Variants in KCNC2 observed in about 807,000 individuals in gnomAD.
The protein encoded by KCNC2 is potassium voltage-gated channel subfamily C member 2, also known as voltage-gated potassium channel KCNC2.
KCNC2 carries 21 observed loss-of-function variants against 44.5 expected under a neutral mutation model. The observed-to-expected ratio is 0.47, with a 90% CI of 0.33 to 0.68. The LOEUF is 0.68. KCNC2 is among the 30% of genes least tolerant of loss of function. The probability of loss-of-function intolerance (pLI) is 0.01; values close to 1 mark genes in which losing one functional copy is unlikely to be tolerated. For synonymous variants in KCNC2, 391 were observed against 339.1 expected (o/e 1.15, Z -1.68); for missense variants, 589 against 826.2 (o/e 0.71, Z 3.52).
At chr12:75,159,923 G>T (rs769201127) in intron 2 of KCNC2, among the ~76,000 whole-genome samples, 2 of 151,780 alleles carry the variant, frequency 1.3e-5, no homozygotes, top group African/African-American at 2.4e-5. Flanking sequence ...TGAATCCCCT[G>T]TACCTGGCAC....
chr12:75,083,025 T>C (rs578003447), intron 2 of KCNC2, among the ~76,000 whole-genome samples: 312 of 151,652 alleles, frequency 2.1e-3, no homozygotes, highest in African/African-American at 7.3e-3. Context: ...AATGCATATT[T>C]ATATGTAAAG....
chr12:75,124,133 T>C, intron 2 of KCNC2: 1 of 152,206 alleles, frequency 6.6e-6, no homozygotes, highest in Middle Eastern at 3.2e-3. Flanking sequence ...TTTTACATTG[T>C]ATATAACTCC....
intron 2 of KCNC2, 45 bp from the exon 3 acceptor site, chr12:75,051,362 G>T (rs200025247): frequency 9.5e-7 from 1 of 1,051,428 alleles, no homozygotes; most frequent in Non-Finnish European, 1.4e-6. Context: ...GATCTGAATC[G>T]TAATATATGT....
chr12:75,134,429 A>T (rs989875958), intron 2 of KCNC2, among the ~76,000 whole-genome samples: 1 of 151,974 alleles, frequency 6.6e-6, no homozygotes, highest in Non-Finnish European at 1.5e-5. Context: ...AAAACAATAC[A>T]GTTCAATTGA....
intron 2 of KCNC2, among the ~76,000 whole-genome samples, chr12:75,185,607 C>T (rs910851151): frequency 2.0e-5 from 3 of 151,800 alleles, no homozygotes; most frequent in African/African-American, 7.3e-5. Context: ...GCCTCCAGAA[C>T]CATAATCCAA....
chr12:75,101,375 G>A (rs970827931), intron 2 of KCNC2, among the ~76,000 whole-genome samples: 22 of 152,138 alleles, frequency 1.4e-4, no homozygotes, highest in Non-Finnish European at 2.9e-4. Context: ...GAACTATTCT[G>A]GGAATACCTA....
At chr12:75,091,487 A>C (rs1378438629) in intron 2 of KCNC2, among the ~76,000 whole-genome samples, 4 of 151,710 alleles carry the variant, frequency 2.6e-5, no homozygotes, top group Non-Finnish European at 5.9e-5. Flanking sequence ...AGAAGCAATA[A>C]AATAATGCTT....
chr12:75,177,356 A>T (rs1289825960), intron 2 of KCNC2, among the ~76,000 whole-genome samples: 4 of 151,944 alleles, frequency 2.6e-5, no homozygotes, highest in Non-Finnish European at 4.4e-5. Flanking sequence ...AATAGTTTTA[A>T]ATTGTTTAAG....
chr12:75,068,357 A>G (rs2137020871), intron 2 of KCNC2, among the ~76,000 whole-genome samples: 1 of 152,356 alleles, frequency 6.6e-6, no homozygotes, highest in Admixed American at 6.5e-5. Context: ...TAAATAGAAT[A>G]TCTCAATCAG....
At chr12:75,168,782 TTAGAAAC>T (rs1410275454) in intron 2 of KCNC2, among the ~76,000 whole-genome samples, 1 of 151,544 alleles carries the variant, frequency 6.6e-6, no homozygotes, top group Non-Finnish European at 1.5e-5. Context: ...TGAAAGTGAC[TTAGAAAC>T]TAGAATCTGG....
intron 2 of KCNC2, among the ~76,000 whole-genome samples, chr12:75,069,103 A>G (rs1883122127): frequency 7.0e-6 from 1 of 142,858 alleles, no homozygotes; most frequent in Admixed American, 7.1e-5. Flanking sequence ...GCACAGGACT[A>G]AAAAACAGTT....
At chr12:75,067,752 G>A (rs1316338623) in intron 2 of KCNC2, among the ~76,000 whole-genome samples, 1 of 151,998 alleles carries the variant, frequency 6.6e-6, no homozygotes, top group East Asian at 1.9e-4. Context: ...AGCTCCTCTC[G>A]CTGTAACTCC....
At chr12:75,151,108 A>G (rs2137463969) in intron 2 of KCNC2, among the ~76,000 whole-genome samples, 1 of 152,108 alleles carries the variant, frequency 6.6e-6, no homozygotes, top group South Asian at 2.1e-4. Flanking sequence ...GGGCTTGCAG[A>G]TACAAGCTCA....
At chr12:75,178,855 C>T (rs571424730) in intron 2 of KCNC2, among the ~76,000 whole-genome samples, 104 of 152,046 alleles carry the variant, frequency 6.8e-4, no homozygotes, top group Non-Finnish European at 1.2e-3. Context: ...AGTATTTAAG[C>T]CCTCCTTGTT....
chr12:75,042,868 G>A lies in KCNC2; in HGVS notation c.*237C>T. On this transcript the variant is annotated 3_prime_UTR_variant, in exon 5 of 5. Transcript: ENST00000549446. ...CACTATCTGTCATTTTATTGCAAAA[G>A]GATATCAGGGCAATTAATAGGAGGG... 3 of 1,310,104 alleles carry A rather than the reference G, an allele frequency of 2.3e-6. No individual in the cohort carries two copies. The highest frequency in any genetic ancestry group is 2.9e-6 in the Non-Finnish European group (3 of 1,030,914). The allele number at this position is 1,310,104 out of a possible 1,614,324, so 81.2% of individuals were successfully genotyped here. A position where few individuals can be genotyped will look rare whatever the true frequency, so the allele number is the denominator to read the frequency against.
chr12:75,143,850 AT>A (rs1311849820), intron 2 of KCNC2, among the ~76,000 whole-genome samples: 2 of 152,194 alleles, frequency 1.3e-5, no homozygotes, highest in African/African-American at 4.8e-5. Context: ...CTTATTATGT[AT>A]AATTTGTTTG....
At chr12:75,061,425 A>G (rs1260356629) in intron 2 of KCNC2, among the ~76,000 whole-genome samples, 1 of 152,078 alleles carries the variant, frequency 6.6e-6, no homozygotes, top group East Asian at 1.9e-4. Context: ...TGCTGAATTC[A>G]GAGAAGATAA....
chr12:75,069,159 A>G (rs1315192821), intron 2 of KCNC2, among the ~76,000 whole-genome samples: 1 of 5,306 alleles, frequency 1.9e-4, no homozygotes, highest in Non-Finnish European at 6.4e-4. Context: ...TTTGAGACGG[A>G]ATTTCACTCT....
At chr12:75,088,249 T>G (rs1410679935) in intron 2 of KCNC2, among the ~76,000 whole-genome samples, 1 of 152,086 alleles carries the variant, frequency 6.6e-6, no homozygotes, top group Non-Finnish European at 1.5e-5. Flanking sequence ...CAAAGATTAC[T>G]TCCTAAGTTT....
Sources: allele counts gnomAD v4.1 joint callset (sites outside exome capture counted in the v4.1 genomes callset), GRCh38; gene constraint gnomAD v4.1.1; transcripts MANE v1.5; gene names NCBI Gene and HGNC (gene_info 2026-07-23, HGNC 2026-07-21).